TMEM132D: variants seen among roughly 807,000 people sequenced by gnomAD.
TMEM132D encodes transmembrane protein 132D.
In TMEM132D, 21 loss-of-function variants were observed where a neutral mutation model predicts 62.3. The observed-to-expected ratio is 0.34, with a 90% CI of 0.24 to 0.49. TMEM132D has a LOEUF of 0.49. TMEM132D is among the 20% of genes least tolerant of loss of function. The probability of loss-of-function intolerance (pLI) is 0.99; values close to 1 mark genes in which losing one functional copy is unlikely to be tolerated. For missense variants in TMEM132D, 1,346 were observed against 1,402.8 expected (o/e 0.96, Z 0.65); for synonymous variants, 621 against 575.6 (o/e 1.08, Z -1.13).
rs950841883 is a variant in TMEM132D at position 129,610,023 on chromosome 12, G to A, written c.969-78818C>T. Among the ~76,000 whole-genome samples the A allele has an allele frequency of 5.3e-5, 8 of 152,240 alleles. No homozygotes were observed. The South Asian group carries it at 6.2e-4, about 12-fold the overall frequency. On this transcript the variant is annotated intron_variant, in intron 2 of 8. Coordinates refer to ENST00000422113, the MANE Select transcript of TMEM132D (RefSeq NM_133448.3). Reference sequence around the variant, plus strand: ...AGTGGCTCACACTTGTAATCCCAACGCTTTGGGAGACCGAGGCAGGAGAAT... The same window carrying A: ...AGTGGCTCACACTTGTAATCCCAACACTTTGGGAGACCGAGGCAGGAGAAT...
At chr12:129,872,754 C>A (rs1405584013) in intron 1 of TMEM132D, among the ~76,000 whole-genome samples, 1 of 152,108 alleles carries the variant, frequency 6.6e-6, no homozygotes, top group Non-Finnish European at 1.5e-5. Flanking sequence ...GGTTAAATGG[C>A]GCACAGGATG....
intron 2 of TMEM132D, among the ~76,000 whole-genome samples, chr12:129,623,489 C>T (rs756329086): frequency 1.6e-4 from 24 of 151,930 alleles, no homozygotes; most frequent in Non-Finnish European, 3.5e-4. Flanking sequence ...CTTTGCATAC[C>T]CATAACTTAG....
intron 1 of TMEM132D, among the ~76,000 whole-genome samples, chr12:129,815,296 TAGC>T (rs1872312578): frequency 6.6e-6 from 1 of 152,070 alleles, no homozygotes; most frequent in African/African-American, 2.4e-5. Context: ...TGAGTGAAAA[TAGC>T]AGGTTTCAAA....
At chr12:129,486,081 T>G (rs1201719195) in intron 3 of TMEM132D, among the ~76,000 whole-genome samples, 2 of 152,160 alleles carry the variant, frequency 1.3e-5, no homozygotes, top group Non-Finnish European at 2.9e-5. Flanking sequence ...GTGGAAAATG[T>G]AGAGGAACCA....
intron 3 of TMEM132D, among the ~76,000 whole-genome samples, chr12:129,352,010 T>A (rs1413059638): frequency 6.6e-6 from 1 of 152,046 alleles, no homozygotes; most frequent in Admixed American, 6.5e-5. Context: ...AGATTAAGGA[T>A]CCTGTTGTAA....
rs139339730 is a variant in TMEM132D at position 129,289,604 on chromosome 12, A to C, written c.1299+48030T>G. 7.9e-5 allele frequency among the ~76,000 whole-genome samples: 12 copies of C among 152,258 alleles called. No individual in the cohort carries two copies. In the East Asian group the frequency reaches 2.3e-3, roughly 29 times the overall value. On this transcript the variant is annotated intron_variant, in intron 4 of 8. Coordinates refer to ENST00000422113, the MANE Select transcript of TMEM132D (RefSeq NM_133448.3). ...AGAAAAGGAAAAGCAAAAAGAACTA[A>C]TGTTAATTGTGCTTGCTGCAATTGA...
intron 2 of TMEM132D, among the ~76,000 whole-genome samples, chr12:129,605,286 C>T (rs374482915): frequency 1.1e-4 from 16 of 152,036 alleles, no homozygotes; most frequent in African/African-American, 2.2e-4. Context: ...AGTTTTACCA[C>T]GGTATTGTAG....
rs773066809 is a variant in TMEM132D, at chr12:129,074,754, A to C, written c.2421T>G (p.Ser807Arg). 2.5e-6 allele frequency: 4 copies of C among 1,614,062 alleles called. No homozygotes were observed. The highest frequency in any genetic ancestry group is 3.4e-6 in the Non-Finnish European group (4 of 1,180,006). Reference sequence around the variant, plus strand: ...CCCCTGCCCCTGTGTGTCTGCTGTCACTGGTGTTGGGGTTAGCATCGTTTT... The same window carrying C: ...CCCCTGCCCCTGTGTGTCTGCTGTCCCTGGTGTTGGGGTTAGCATCGTTTT... Reference protein sequence around the residue: ...FGQNDANPNTSDSRHTGAGVH... With the variant: ...FGQNDANPNTRDSRHTGAGVH... Residue 807 changes from serine (S) to arginine (R), a missense_variant, in exon 9 of 9, where the codon AGT becomes AGG. By Grantham distance (110) the Ser-to-Arg change is moderately radical. Coordinates refer to ENST00000422113, the MANE Select transcript of TMEM132D (RefSeq NM_133448.3).
At chr12:129,312,804 C>A (rs1882012922) in intron 4 of TMEM132D, among the ~76,000 whole-genome samples, 1 of 152,136 alleles carries the variant, frequency 6.6e-6, no homozygotes, top group African/African-American at 2.4e-5. Context: ...GACATACATT[C>A]TAGTTCAAGC....
chr12:129,318,332 G>A (rs7956360), intron 4 of TMEM132D, among the ~76,000 whole-genome samples: 40,427 of 152,084 alleles, frequency 0.27, 6,271 homozygotes, highest in Non-Finnish European at 0.34. Flanking sequence ...GTCCCATGGG[G>A]TAGTCCCTTG....
At chr12:129,303,080 C>T (rs1277691869) in intron 4 of TMEM132D, among the ~76,000 whole-genome samples, 1 of 152,192 alleles carries the variant, frequency 6.6e-6, no homozygotes, top group Non-Finnish European at 1.5e-5. Flanking sequence ...ATTGATGGCT[C>T]CATAGCCAAC....
intron 2 of TMEM132D, among the ~76,000 whole-genome samples, chr12:129,649,603 G>A (rs1879868681): frequency 6.6e-6 from 1 of 151,554 alleles, no homozygotes. Context: ...TCTTACATTT[G>A]CAAAATATTT....
intron 1 of TMEM132D, among the ~76,000 whole-genome samples, chr12:129,763,270 G>A (rs1442360088): frequency 1.3e-5 from 2 of 152,088 alleles, no homozygotes; most frequent in East Asian, 3.9e-4. Context: ...TAGAGATGGG[G>A]TTTCCTCATG....
At chr12:129,170,708 C>T (rs964677159) in intron 5 of TMEM132D, among the ~76,000 whole-genome samples, 4 of 151,998 alleles carry the variant, frequency 2.6e-5, no homozygotes, top group Admixed American at 6.6e-5. Flanking sequence ...ACCTGTAGTC[C>T]CAGCTACTAG....
chr12:129,491,879 T>C (rs1480856790), intron 3 of TMEM132D, among the ~76,000 whole-genome samples: 2 of 151,960 alleles, frequency 1.3e-5, no homozygotes, highest in Admixed American at 6.6e-5. Flanking sequence ...GAGGTGGAGG[T>C]TGCAGTGAAC....
rs116311714 is a variant in TMEM132D at position 129,341,724 on chromosome 12, G to A, written c.1116-3907C>T. On this transcript the variant is annotated intron_variant, in intron 3 of 8. Coordinates refer to ENST00000422113, the MANE Select transcript of TMEM132D (RefSeq NM_133448.3). ...GCTTGAGGAGATTTTGGGCTGAGACGATGGGCAGGATACAAAATCAATGTA... is the reference window on the plus strand; with the variant it reads ...GCTTGAGGAGATTTTGGGCTGAGACAATGGGCAGGATACAAAATCAATGTA... Among the ~76,000 whole-genome samples, 607 of 152,280 alleles carry A rather than the reference G, an allele frequency of 4.0e-3. 2 individuals are homozygous for A. The highest frequency in any genetic ancestry group is 0.014 in the African/African-American group (576 of 41,552).
chr12:129,432,264 AGGATGGATGGATCAATGGATGGATGCTT>A (rs1363871579), intron 3 of TMEM132D, among the ~76,000 whole-genome samples: 2 of 70,088 alleles, frequency 2.9e-5, no homozygotes, highest in Non-Finnish European at 6.0e-5. Flanking sequence ...GATGGATGGA[AGGATGGATGGATCAATGGATGGATGCTT>A]GGATGGATGG....
intron 2 of TMEM132D, among the ~76,000 whole-genome samples, chr12:129,630,869 C>T (rs985138575): frequency 3.9e-5 from 6 of 152,068 alleles, no homozygotes; most frequent in African/African-American, 1.4e-4. Flanking sequence ...CCTCCACCCT[C>T]AAGCAGGCCC....
intron 1 of TMEM132D, among the ~76,000 whole-genome samples, chr12:129,761,344 A>T (rs981547595): frequency 2.6e-4 from 39 of 152,042 alleles, no homozygotes; most frequent in African/African-American, 8.5e-4. Context: ...ACCACGATGG[A>T]TCTGACCTCC....
Sources: allele counts gnomAD v4.1 joint callset (sites outside exome capture counted in the v4.1 genomes callset), GRCh38; gene constraint gnomAD v4.1.1; transcripts MANE v1.5; gene names NCBI Gene and HGNC (gene_info 2026-07-23, HGNC 2026-07-21).